ANKFY1: variants seen among roughly 807,000 people sequenced by gnomAD.
The protein encoded by ANKFY1 is ankyrin repeat and FYVE domain-containing protein 1.
Under a neutral mutation model 128.3 loss-of-function variants are expected in ANKFY1, and 47 were observed. That is an observed-to-expected ratio of 0.37 (90% CI 0.29 to 0.47). The LOEUF (loss-of-function observed/expected upper bound fraction) is 0.47. Among genes scored for constraint, ANKFY1 ranks in the 20% least tolerant of loss-of-function variants. ANKFY1 has a pLI of 1.00. For synonymous variants in ANKFY1, 553 were observed against 601.6 expected (o/e 0.92, Z 1.18); for missense variants, 1,222 against 1,510.6 (o/e 0.81, Z 3.17).
chr17:4,219,057 A>G (rs1046409329), intron 3 of ANKFY1, among the ~76,000 whole-genome samples: 1 of 152,176 alleles, frequency 6.6e-6, no homozygotes, highest in Non-Finnish European at 1.5e-5. Flanking sequence ...TAAAATATCA[A>G]CCCAGGTGGA....
At chr17:4,257,426 C>T (rs920637732) in intron 1 of ANKFY1, among the ~76,000 whole-genome samples, 1 of 152,154 alleles carries the variant, frequency 6.6e-6, no homozygotes, top group African/African-American at 2.4e-5. Flanking sequence ...AAATGCTGAA[C>T]CAATGCCCTT....
rs372440248 is a variant in ANKFY1 at position 4,252,565 on chromosome 17, C to CA, written c.11-10118dup. On this transcript the variant is annotated intron_variant, in intron 1 of 24. Coordinates refer to ENST00000341657, the MANE Select transcript of ANKFY1 (RefSeq NM_001330063.2). ...GCCTGGGTAACAAAAAACAAACAAACAAAAAAAAAATTGGAGAACTAGAAG... is the reference window on the plus strand; with the variant it reads ...GCCTGGGTAACAAAAAACAAACAAACAAAAAAAAAAATTGGAGAACTAGAAG... Among the ~76,000 whole-genome samples the CA allele has an allele frequency of 3.2e-3, 478 of 147,374 alleles. 1 individual carries two copies. Among genetic ancestry groups the CA allele is most frequent in the African/African-American group, 0.01 (418 of 40,344 alleles).
chr17:4,220,793 G>A (rs896927272), intron 3 of ANKFY1, among the ~76,000 whole-genome samples: 7 of 152,206 alleles, frequency 4.6e-5, no homozygotes, highest in African/African-American at 1.7e-4. Flanking sequence ...GGGTACTTGT[G>A]GGTAAATCGT....
chr17:4,199,963 A>G (rs1281595291), intron 7 of ANKFY1, among the ~76,000 whole-genome samples: 1 of 152,252 alleles, frequency 6.6e-6, no homozygotes, highest in Non-Finnish European at 1.5e-5. Context: ...AACCTGTTAC[A>G]AAGGCTTGGG....
chr17:4,196,225 A>G (rs1598053705), intron 8 of ANKFY1, among the ~76,000 whole-genome samples: 2 of 151,724 alleles, frequency 1.3e-5, no homozygotes, highest in East Asian at 3.9e-4. Flanking sequence ...GAAAAAAATG[A>G]AAGAATCAAC....
rs2059460546 is a variant in ANKFY1 at position 4,179,012 on chromosome 17, G to A, written c.2443C>T (p.His815Tyr). 1 of 1,614,212 alleles carries A rather than the reference G, an allele frequency of 6.2e-7. No individual in the cohort carries two copies. Among genetic ancestry groups the A allele is most frequent in the Non-Finnish European group, 8.5e-7 (1 of 1,180,050 alleles). ...TPIHVAISSQ[H>Y]GVIIQLLVSH... Reference sequence around the variant, plus strand: ...ACCAACAGCTGAATGATGACACCGTGTTGGCTGCTGATGGCCACGTGGATG... The same window carrying A: ...ACCAACAGCTGAATGATGACACCGTATTGGCTGCTGATGGCCACGTGGATG... The change falls in exon 18 of 25, where the codon CAC becomes TAC. Residue 815 changes from histidine (H) to tyrosine (Y), a missense_variant. By Grantham distance (83) the His-to-Tyr change is moderately conservative (BLOSUM62 2). Coordinates refer to ENST00000341657, the MANE Select transcript of ANKFY1 (RefSeq NM_001330063.2).
intron 1 of ANKFY1, chr17:4,248,982 T>A (rs566017407): frequency 1.2e-4 from 26 of 221,190 alleles, no homozygotes; most frequent in Non-Finnish European, 1.5e-4. Flanking sequence ...TTCATCACTC[T>A]TGAGTTAACA....
At chr17:4,195,279 T>C (rs2059796890) in intron 9 of ANKFY1, 102 bp from the exon 10 acceptor site, 2 of 1,264,378 alleles carry the variant, frequency 1.6e-6, no homozygotes, top group African/African-American at 2.8e-5. Context: ...CAATGACACA[T>C]TTTTTTTTAG....
At position 4,174,123 on chromosome 17, in the gene ANKFY1, G is replaced by A. The variant is rs576531299; in HGVS notation, c.2776-67C>T. On this transcript the variant is annotated intron_variant, in intron 19 of 24. Transcript: ENST00000341657. Reference sequence around the variant, plus strand: ...AATCAAGATCCCCCTTATGGGGGCCGAGCCTGCTTGTCTTCTGACACCCAC... The same window carrying A: ...AATCAAGATCCCCCTTATGGGGGCCAAGCCTGCTTGTCTTCTGACACCCAC... 95 of 1,551,758 alleles carry A rather than the reference G, an allele frequency of 6.1e-5. 2 individuals are homozygous for A. In the South Asian group the frequency reaches 7.1e-4, roughly 12 times the overall value.
chr17:4,175,059 G>A (rs2059388437), intron 19 of ANKFY1, among the ~76,000 whole-genome samples: 1 of 150,180 alleles, frequency 6.7e-6, no homozygotes, highest in Admixed American at 6.6e-5. Flanking sequence ...CAGGCCGGGT[G>A]CAGTGGCTCA....
At chr17:4,257,986 G>A (rs771178888) in intron 1 of ANKFY1, among the ~76,000 whole-genome samples, 1 of 152,222 alleles carries the variant, frequency 6.6e-6, no homozygotes, top group Non-Finnish European at 1.5e-5. Flanking sequence ...ACAGAATCCT[G>A]TGTATCTCAG....
chr17:4,252,271 G>A (rs1220607028), intron 1 of ANKFY1, among the ~76,000 whole-genome samples: 2 of 152,142 alleles, frequency 1.3e-5, no homozygotes, highest in South Asian at 2.1e-4. Context: ...TTATGGCAAA[G>A]ATCTGGAGAA....
Position 4,193,184 on chromosome 17 carries a change from G to A in ANKFY1, c.1372+1794C>T, listed in dbSNP as rs141743458. ...ATGCTGCATCCTATAATTAAAGAAT[G>A]CATATTCTTTTCAAACACATGTCAG... On this transcript the variant is annotated intron_variant, in intron 10 of 24. Coordinates refer to ENST00000341657, the MANE Select transcript of ANKFY1 (RefSeq NM_001330063.2). Among the ~76,000 whole-genome samples the A allele has an allele frequency of 5.9e-4, 90 of 152,084 alleles. 1 individual carries two copies. Among genetic ancestry groups the A allele is most frequent in the African/African-American group, 2.1e-3 (87 of 41,372 alleles).
intron 1 of ANKFY1, among the ~76,000 whole-genome samples, chr17:4,242,841 T>C (rs1967319393): frequency 2.6e-5 from 4 of 152,158 alleles, no homozygotes. Flanking sequence ...CTCAATATTA[T>C]ACAGTATATG....
chr17:4,195,276 A>C (rs2059796648), intron 9 of ANKFY1, 99 bp from the exon 10 acceptor site: 9 of 1,225,454 alleles, frequency 7.3e-6, no homozygotes, highest in Non-Finnish European at 1.0e-5. Context: ...TTTCAATGAC[A>C]CATTTTTTTT....
At chr17:4,217,861 T>A (rs1351077022) in intron 3 of ANKFY1, among the ~76,000 whole-genome samples, 1 of 152,062 alleles carries the variant, frequency 6.6e-6, no homozygotes, top group Non-Finnish European at 1.5e-5. Flanking sequence ...AATTTTTGTA[T>A]TTTTTGCAGA....
At chr17:4,168,632 T>G (rs2142998779) in intron 24 of ANKFY1, among the ~76,000 whole-genome samples, 1 of 152,162 alleles carries the variant, frequency 6.6e-6, no homozygotes, top group East Asian at 1.9e-4. Flanking sequence ...GACCCCCAGC[T>G]AATTTTTGTA....
At chr17:4,224,700 G>A (rs1055528638) in intron 3 of ANKFY1, among the ~76,000 whole-genome samples, 2 of 151,996 alleles carry the variant, frequency 1.3e-5, no homozygotes, top group Non-Finnish European at 2.9e-5. Flanking sequence ...TTCTGCTTTC[G>A]TGTTTTTGGG....
intron 3 of ANKFY1, chr17:4,223,533 G>A: frequency 8.4e-7 from 1 of 1,192,644 alleles, no homozygotes; most frequent in Non-Finnish European, 1.3e-6. Context: ...TTTGTTGGAT[G>A]GCTCTTGAAA....
Sources: gnomAD v4.1 joint callset for allele counts (sites outside exome capture counted in the v4.1 genomes callset) on GRCh38, gnomAD v4.1.1 for gene constraint, MANE v1.5 for transcripts, NCBI Gene and HGNC (gene_info 2026-07-23, HGNC 2026-07-21) for gene names.